BCL11B: variants seen among roughly 807,000 people sequenced by gnomAD.
BCL11B encodes B-cell lymphoma/leukemia 11B.
Under a neutral mutation model 49.9 loss-of-function variants are expected in BCL11B, and 8 were observed. The observed-to-expected ratio is 0.16, with a 90% confidence interval of 0.09 to 0.29. The LOEUF (loss-of-function observed/expected upper bound fraction) is 0.29, where lower values mean the gene tolerates loss of function less well. Ranked by LOEUF, BCL11B falls within the 10% of genes least tolerant of loss-of-function variation. The pLI is 1.00. For synonymous variants in BCL11B, 739 were observed against 637.4 expected (o/e 1.16, Z -2.40); for missense variants, 1,006 against 1,351.0 (o/e 0.74, Z 4.00).
At chr14:99,212,305 C>T (rs148995776) in intron 3 of BCL11B, among the ~76,000 whole-genome samples, 87 of 151,966 alleles carry the variant, frequency 5.7e-4, no homozygotes, top group Admixed American at 5.3e-4. Flanking sequence ...ATGTGCAGCT[C>T]AAGCCCCATG....
rs746977347 is a variant in BCL11B at position 99,205,098 on chromosome 14, A to T, written c.640+26247T>A. 3.9e-5 allele frequency among the ~76,000 whole-genome samples: 6 copies of T among 152,122 alleles called. No individual in the cohort carries two copies. The highest frequency in any genetic ancestry group is 8.8e-5 in the Non-Finnish European group (6 of 68,028). ...CTCCAGTTACATTACTTTGAAAGGG[A>T]GCATAATATGATCCTTCCTTAATGG... On this transcript the variant is annotated intron_variant, in intron 3 of 3. Coordinates refer to ENST00000357195, the MANE Select transcript of BCL11B (RefSeq NM_138576.4). The surrounding 1 kb of genome is among the most constrained non-coding windows in gnomAD (Gnocchi z 5.0).
At chr14:99,225,714 A>G (rs2086853602) in intron 3 of BCL11B, among the ~76,000 whole-genome samples, 1 of 152,220 alleles carries the variant, frequency 6.6e-6, no homozygotes. Flanking sequence ...GAGCAGAAAA[A>G]CAGCAACATC....
In BCL11B at chr14:99,231,596, C is replaced by A. The variant is rs1888337977; in HGVS notation, c.428-39G>T. The A allele has an allele frequency of 1.9e-6, 3 of 1,543,148 alleles. No individual in the cohort carries two copies. The highest frequency in any genetic ancestry group is 2.6e-6 in the Non-Finnish European group (3 of 1,142,474). On this transcript the variant is annotated intron_variant, in intron 2 of 3. Coordinates refer to ENST00000357195, the MANE Select transcript of BCL11B (RefSeq NM_138576.4). The surrounding 1 kb of genome is among the most constrained non-coding windows in gnomAD (Gnocchi z 8.1). Reference sequence around the variant, plus strand: ...AATAGAAAAGACTGGTCAGTCGGGCCCTGGACTGTGTGAGGGGCACGGGGT... The same window carrying A: ...AATAGAAAAGACTGGTCAGTCGGGCACTGGACTGTGTGAGGGGCACGGGGT...
intron 3 of BCL11B, among the ~76,000 whole-genome samples, chr14:99,215,287 G>A (rs1282969070): frequency 1.3e-5 from 2 of 152,176 alleles, no homozygotes; most frequent in African/African-American, 4.8e-5. Flanking sequence ...TAAGAAAACT[G>A]GCATGCCTGA....
At chr14:99,261,851 C>G (rs1423435322) in intron 1 of BCL11B, among the ~76,000 whole-genome samples, 1 of 152,054 alleles carries the variant, frequency 6.6e-6, no homozygotes, top group Admixed American at 6.6e-5. Flanking sequence ...AATGCTAAAT[C>G]CTAAAGTGCA....
In BCL11B at chr14:99,213,071, A is replaced by C. The variant is rs1481294936; in HGVS notation, c.640+18274T>G. On this transcript the variant is annotated intron_variant, in intron 3 of 3. Transcript: ENST00000357195. The surrounding 1 kb of genome is among the most constrained non-coding windows in gnomAD (Gnocchi z 5.1). ...CCCACCAGGGGAGAGGGGACCCTAG[A>C]CCCTGTGCCAGTGCAGAGTGGGGGA... Among the ~76,000 whole-genome samples the C allele has an allele frequency of 2.0e-5, 3 of 152,108 alleles. No homozygotes were observed. The highest frequency in any genetic ancestry group is 7.2e-5 in the African/African-American group (3 of 41,414).
At chr14:99,210,365 A>G (rs1887652301) in intron 3 of BCL11B, among the ~76,000 whole-genome samples, 2 of 152,120 alleles carry the variant, frequency 1.3e-5, no homozygotes, top group Non-Finnish European at 2.9e-5. Context: ...GGGGAGGAAG[A>G]AGAGTTGCCT....
intron 3 of BCL11B, among the ~76,000 whole-genome samples, chr14:99,176,515 CGTGTTT>C (rs564669660): frequency 9.1e-4 from 138 of 152,312 alleles, no homozygotes; most frequent in Non-Finnish European, 1.5e-3. Context: ...CACGGGAGAT[CGTGTTT>C]GTGAGAATAC....
chr14:99,173,159 G>T lies in BCL11B; in HGVS notation c.*992C>A. ...ACACCGCTAGTTTCTTCCTTTCTGT[G>T]TCACTGCAGGCCACCCCATCTCCCC... is the stretch of plus-strand genomic sequence containing the variant. On this transcript the variant is annotated 3_prime_UTR_variant, in exon 4 of 4. Transcript: ENST00000357195. 4.3e-6 allele frequency: 1 copy of T among 230,658 alleles called. No individual in the cohort carries two copies. The highest frequency in any genetic ancestry group is 6.1e-5 in the East Asian group (1 of 16,310). 14.3% of individuals were successfully genotyped at this position (230,658 alleles called of 1,614,324 possible).
In BCL11B at chr14:99,257,642, C is replaced by A. The variant is rs1198790814; in HGVS notation, c.256G>T (p.Gly86Cys). Residue 86 changes from glycine (G) to cysteine (C), a missense_variant, in exon 2 of 4, where the codon GGT becomes TGT. Physicochemically the swap from Gly to Cys is radical, Grantham distance 159. Around this residue, in one of 6 missense-constraint regions of BCL11B, gnomAD observed 411 missense variants for 542.2 expected, o/e 0.76. Transcript: ENST00000357195. This position sits in a 1 kb window ranked among gnomAD's most constrained non-coding sequence, Gnocchi z 6.2. The stretch of plus-strand genomic sequence containing the variant: ...TCCAGGGCCTTGTCATAGCAGGCAC[C>A]CAAGCTGCCGCCACACTGCTTCCTT... Reference protein sequence around the residue: ...HKRKQCGGSLGACYDKALDKD... With the variant: ...HKRKQCGGSLCACYDKALDKD... 1 of 1,613,186 alleles carries A rather than the reference C, an allele frequency of 6.2e-7. No individual in the cohort carries two copies. Among genetic ancestry groups the A allele is most frequent in the Non-Finnish European group, 8.5e-7 (1 of 1,179,366 alleles).
At chr14:99,193,925 C>G (rs2139803508) in intron 3 of BCL11B, among the ~76,000 whole-genome samples, 1 of 152,320 alleles carries the variant, frequency 6.6e-6, no homozygotes, top group South Asian at 2.1e-4. Flanking sequence ...ATTTCTCCCC[C>G]TTCTCTGCAG....
intron 3 of BCL11B, among the ~76,000 whole-genome samples, chr14:99,210,779 C>T (rs1887664482): frequency 6.6e-6 from 1 of 152,192 alleles, no homozygotes; most frequent in Non-Finnish European, 1.5e-5. Flanking sequence ...GCAGGGGTGA[C>T]TTTGACACTG....
At position 99,271,585 on chromosome 14, in the gene BCL11B, GA is replaced by G. The variant is rs796169051; in HGVS notation, c.-368del. ...TCTTTAAAAATATATTCTTTCGAAG[GA>G]AAAAAAATCTCTTACACTTCTTCAA... On this transcript the variant is annotated 5_prime_UTR_variant, in exon 1 of 4. Transcript: ENST00000357195. 1.5e-4 allele frequency: 30 copies of G among 198,868 alleles called. 1 individual carries two copies. Among genetic ancestry groups the G allele is most frequent in the African/African-American group, 6.4e-4 (28 of 43,470 alleles). The allele number at this position is 198,868 out of a possible 1,614,324, so 12.3% of individuals were successfully genotyped here. A position where few individuals can be genotyped will look rare whatever the true frequency, so the allele number is the denominator to read the frequency against.
intron 3 of BCL11B, among the ~76,000 whole-genome samples, chr14:99,181,564 G>A (rs980927198): frequency 6.6e-6 from 1 of 152,208 alleles, no homozygotes; most frequent in African/African-American, 2.4e-5. Flanking sequence ...AAATGGCCAC[G>A]AAGGAGGTTC....
rs1043395776 is a variant in BCL11B, at chr14:99,241,105, C to T, written c.428-9548G>A. 3.3e-5 allele frequency among the ~76,000 whole-genome samples: 5 copies of T among 152,046 alleles called. No individual in the cohort carries two copies. Among genetic ancestry groups the T allele is most frequent in the South Asian group, 2.1e-4 (1 of 4,820 alleles). On this transcript the variant is annotated intron_variant, in intron 2 of 3. Transcript: ENST00000357195. This position sits in a 1 kb window ranked among gnomAD's most constrained non-coding sequence, Gnocchi z 4.4. ...GACTGCAGAAACCCTGCAAAGATCC[C>T]GCGATAAGACAAGCCTCTTCTCCCT... is the stretch of plus-strand genomic sequence containing the variant.
intron 1 of BCL11B, among the ~76,000 whole-genome samples, chr14:99,261,221 A>G (rs1889328043): frequency 6.6e-6 from 1 of 152,182 alleles, no homozygotes; most frequent in Admixed American, 6.5e-5. Context: ...GTGGGCCTGA[A>G]AGCTCACGTT....
intron 3 of BCL11B, among the ~76,000 whole-genome samples, chr14:99,188,633 C>T (rs541931291): frequency 2.6e-5 from 4 of 152,118 alleles, no homozygotes; most frequent in Admixed American, 1.3e-4. Context: ...CAGGTCAGTT[C>T]GTCTTTCTGG....
At chr14:99,207,544 T>C (rs527802380) in intron 3 of BCL11B, among the ~76,000 whole-genome samples, 39 of 152,336 alleles carry the variant, frequency 2.6e-4, no homozygotes, top group African/African-American at 7.5e-4. Context: ...CAGCCCCTCA[T>C]TGACCTCCTG....
At chr14:99,200,118 T>C (rs1887332205) in intron 3 of BCL11B, among the ~76,000 whole-genome samples, 1 of 152,084 alleles carries the variant, frequency 6.6e-6, no homozygotes, top group South Asian at 2.1e-4. Flanking sequence ...CTTTTTTTTT[T>C]TTAAACAGTC....
Sources: allele counts gnomAD v4.1 joint callset (sites outside exome capture counted in the v4.1 genomes callset), GRCh38; gene constraint gnomAD v4.1.1; regional missense constraint gnomAD v4.1.1; non-coding constraint Gnocchi (gnomAD v3.1); transcripts MANE v1.5; gene names NCBI Gene and HGNC (gene_info 2026-07-23, HGNC 2026-07-21).